Variants in ATP10B observed in about 807,000 individuals in gnomAD.
ATP10B encodes the protein ATPase phospholipid transporting 10B (putative).
ATP10B carries 122 observed loss-of-function variants against 141.2 expected under a neutral mutation model. That is an observed-to-expected ratio of 0.86 (90% CI 0.75 to 1.00). The LOEUF (loss-of-function observed/expected upper bound fraction) is 1.00, where lower values mean the gene tolerates loss of function less well. Ranked by LOEUF, ATP10B falls within the 50% of genes least tolerant of loss-of-function variation. The probability of loss-of-function intolerance (pLI) is 0.00; values close to 1 mark genes in which losing one functional copy is unlikely to be tolerated. For synonymous variants in ATP10B, 685 were observed against 692.0 expected (o/e 0.99, Z 0.16); for missense variants, 1,876 against 1,825.3 (o/e 1.03, Z -0.51).
Position 160,612,739 on chromosome 5 carries a change from A to C in ATP10B, c.2838+2T>G, listed in dbSNP as rs1274893013. The C allele has an allele frequency of 6.2e-7, 1 of 1,611,962 alleles. No individual in the cohort carries two copies. Among genetic ancestry groups the C allele is most frequent in the Non-Finnish European group, 8.5e-7 (1 of 1,178,546 alleles). ...AGATATCAATACAGAGAATCACCTC[A>C]CCTGATTCTCTGTATTGATGGTATA... On this transcript the variant is annotated splice_donor_variant, in intron 18 of 25. Coordinates refer to ENST00000327245, the MANE Select transcript of ATP10B (RefSeq NM_025153.3). LOFTEE classifies it high-confidence loss of function.
intron 2 of ATP10B, among the ~76,000 whole-genome samples, chr5:160,758,721 C>T (rs138466506): frequency 1.3e-3 from 195 of 152,248 alleles, no homozygotes; most frequent in African/African-American, 4.5e-3. Context: ...CCTTTTGGGG[C>T]CTGGTTATTC....
At chr5:160,794,790 T>C (rs1771822958) in intron 1 of ATP10B, among the ~76,000 whole-genome samples, 1 of 152,238 alleles carries the variant, frequency 6.6e-6, no homozygotes, top group Non-Finnish European at 1.5e-5. Flanking sequence ...GACCTTTTCT[T>C]ATTCCTCTAC....
At chr5:160,621,182 G>A (rs892312754) in intron 14 of ATP10B, among the ~76,000 whole-genome samples, 1 of 152,166 alleles carries the variant, frequency 6.6e-6, no homozygotes, top group Non-Finnish European at 1.5e-5. Context: ...CATAGTAAGG[G>A]TTCACATTTC....
intron 2 of ATP10B, among the ~76,000 whole-genome samples, chr5:160,763,260 A>T (rs1047169072): frequency 4.6e-5 from 7 of 152,172 alleles, no homozygotes; most frequent in Admixed American, 4.6e-4. Flanking sequence ...CAGAATATAC[A>T]TTCTTCTCAT....
At chr5:160,701,325 C>T (rs1001182209) in intron 3 of ATP10B, among the ~76,000 whole-genome samples, 1 of 152,134 alleles carries the variant, frequency 6.6e-6, no homozygotes, top group Non-Finnish European at 1.5e-5. Flanking sequence ...TTTTGTTATC[C>T]TCTCTTTTAC....
At chr5:160,832,216 A>T (rs903204529) in intron 1 of ATP10B, among the ~76,000 whole-genome samples, 5 of 152,172 alleles carry the variant, frequency 3.3e-5, no homozygotes, top group African/African-American at 1.2e-4. Flanking sequence ...ACCTTCAGGA[A>T]ATCAGCCTTA....
rs975276469 is a variant in ATP10B, at chr5:160,741,238, G to A, written c.-330-24204C>T. Among the ~76,000 whole-genome samples, 9 of 152,274 alleles carry A rather than the reference G, an allele frequency of 5.9e-5. No individual in the cohort carries two copies. In the South Asian group the frequency reaches 1.9e-3, roughly 32 times the overall value. ...CTAGAAAAAGAAGGAAAGACAAATA[G>A]TTCTGAAGAAATGCTTCAGTAAAGT... On this transcript the variant is annotated intron_variant, in intron 2 of 25. Coordinates refer to ENST00000327245, the MANE Select transcript of ATP10B (RefSeq NM_025153.3).
chr5:160,753,498 A>G (rs1768304607), intron 2 of ATP10B, among the ~76,000 whole-genome samples: 1 of 152,114 alleles, frequency 6.6e-6, no homozygotes, highest in Non-Finnish European at 1.5e-5. Context: ...ATTATTCTCT[A>G]TTTGCTTTGC....
intron 2 of ATP10B, among the ~76,000 whole-genome samples, chr5:160,768,974 A>G (rs1157694095): frequency 6.6e-6 from 1 of 152,176 alleles, no homozygotes; most frequent in Admixed American, 6.5e-5. Flanking sequence ...TTCAGTACTG[A>G]GCAAGTAAGG....
At chr5:160,814,081 C>T (rs78271037) in intron 1 of ATP10B, among the ~76,000 whole-genome samples, 6 of 152,222 alleles carry the variant, frequency 3.9e-5, no homozygotes, top group African/African-American at 1.4e-4. Context: ...AGCACCTCTC[C>T]TCCTTCGAAG....
At chr5:160,615,817 T>C in intron 17 of ATP10B, 21 bp downstream of exon 17, 2 of 1,606,328 alleles carry the variant, frequency 1.2e-6, no homozygotes, top group South Asian at 2.2e-5. Flanking sequence ...TTTCCTATAA[T>C]AATGACTTAT....
intron 22 of ATP10B, among the ~76,000 whole-genome samples, chr5:160,596,798 T>C (rs1308164426): frequency 6.6e-6 from 1 of 152,098 alleles, no homozygotes; most frequent in Non-Finnish European, 1.5e-5. Flanking sequence ...TCACAATTGC[T>C]TCAAAGAGAA....
intron 2 of ATP10B, among the ~76,000 whole-genome samples, chr5:160,730,991 G>A (rs1766697354): frequency 6.6e-6 from 1 of 152,108 alleles, no homozygotes; most frequent in Non-Finnish European, 1.5e-5. Context: ...TGGGTTCTCT[G>A]TAAGACCCCA....
chr5:160,575,540 AC>A (rs1755139108), intron 24 of ATP10B, among the ~76,000 whole-genome samples: 1 of 152,084 alleles, frequency 6.6e-6, no homozygotes, highest in Admixed American at 6.6e-5. Flanking sequence ...CAATTCAGAT[AC>A]CCTCTTTGAG....
At chr5:160,635,043 G>T (rs1398757632) in intron 11 of ATP10B, among the ~76,000 whole-genome samples, 1 of 152,236 alleles carries the variant, frequency 6.6e-6, no homozygotes, top group African/African-American at 2.4e-5. Flanking sequence ...GGAAATGGGA[G>T]TTAACAGAAC....
chr5:160,893,566 ACT>A, the ATP10B span, among the ~76,000 whole-genome samples: 1 of 151,492 alleles, frequency 6.6e-6, no homozygotes. Context: ...TATAGATAAA[ACT>A]CTCTCCCTGG....
the ATP10B span, among the ~76,000 whole-genome samples, chr5:160,899,793 C>A: frequency 6.6e-6 from 1 of 152,278 alleles, no homozygotes; most frequent in East Asian, 1.9e-4. Context: ...GGCTCAGGAT[C>A]TAAGCTCCTG....
At chr5:160,709,606 TA>T in intron 3 of ATP10B, among the ~76,000 whole-genome samples, 2 of 99,324 alleles carry the variant, frequency 2.0e-5, no homozygotes, top group South Asian at 6.3e-4. Flanking sequence ...TTTTTTTTTT[TA>T]ATTTTTTTTT....
chr5:160,834,719 C>A (rs1445442664), intron 1 of ATP10B, among the ~76,000 whole-genome samples: 1 of 152,132 alleles, frequency 6.6e-6, no homozygotes, highest in African/African-American at 2.4e-5. Context: ...AAATTCTCAT[C>A]AGGCTGAGAA....
Sources: allele counts gnomAD v4.1 joint callset (sites outside exome capture counted in the v4.1 genomes callset), GRCh38; gene constraint gnomAD v4.1.1; transcripts MANE v1.5; gene names NCBI Gene and HGNC (gene_info 2026-07-23, HGNC 2026-07-21).